PACRG: variants seen among roughly 807,000 people sequenced by gnomAD.
The protein encoded by PACRG is parkin coregulated gene protein.
PACRG carries 29 observed loss-of-function variants against 29.7 expected under a neutral mutation model. The observed-to-expected ratio is 0.98, with a 90% confidence interval of 0.73 to 1.33. The LOEUF is 1.33. PACRG is among the 40% of genes most tolerant of loss of function. The probability of loss-of-function intolerance (pLI) is 0.00; values close to 1 mark genes in which losing one functional copy is unlikely to be tolerated. For missense variants in PACRG, 279 were observed against 316.2 expected, an observed-to-expected ratio of 0.88 and a Z score of 0.89; for synonymous variants, 116 against 118.7, an observed-to-expected ratio of 0.98 and a Z score of 0.15.
At chr6:162,756,656 G>T (rs1781947387) in intron 1 of PACRG, among the ~76,000 whole-genome samples, 1 of 152,006 alleles carries the variant, frequency 6.6e-6, no homozygotes, top group Non-Finnish European at 1.5e-5. Flanking sequence ...GGTAATTATT[G>T]CAAGGTAAGG....
At chr6:163,303,699 G>A (rs1206724012) in intron 4 of PACRG, among the ~76,000 whole-genome samples, 2 of 151,958 alleles carry the variant, frequency 1.3e-5, no homozygotes, top group African/African-American at 4.8e-5. Context: ...TCTTCTTCTT[G>A]GAGCAAAAGC....
intron 2 of PACRG, among the ~76,000 whole-genome samples, chr6:163,039,287 A>T (rs1177895081): frequency 1.3e-5 from 2 of 152,184 alleles, no homozygotes; most frequent in Non-Finnish European, 2.9e-5. Flanking sequence ...GAGAACTGTG[A>T]GTCAATTAAA....
chr6:162,812,391 T>C (rs1156969954), intron 1 of PACRG, among the ~76,000 whole-genome samples: 3 of 152,094 alleles, frequency 2.0e-5, no homozygotes, highest in Non-Finnish European at 4.4e-5. Context: ...CACATGCACA[T>C]ACATATTTGC....
chr6:163,005,815 A>G (rs1252488512), intron 2 of PACRG, among the ~76,000 whole-genome samples: 1 of 148,910 alleles, frequency 6.7e-6, no homozygotes, highest in Non-Finnish European at 1.5e-5. Flanking sequence ...CAACATAGTT[A>G]TACGTGTTAT....
intron 1 of PACRG, among the ~76,000 whole-genome samples, chr6:162,798,008 T>C (rs1420680620): frequency 6.6e-6 from 1 of 152,202 alleles, no homozygotes; most frequent in Admixed American, 6.5e-5. Context: ...TTTAACTCTG[T>C]ATGGTATTTT....
rs113920393 is a variant in PACRG at position 163,141,503 on chromosome 6, G to T, written c.613+52095G>T. ...AGACAACAATGGCAGGATGTCAGAG[G>T]AGTTTTCAGTCGTCAGCCAAAGCTT... is the stretch of plus-strand genomic sequence containing the variant. On this transcript the variant is annotated intron_variant, in intron 4 of 4. Coordinates refer to ENST00000366888, the MANE Select transcript of PACRG (RefSeq NM_001080379.2). Among the ~76,000 whole-genome samples the T allele has an allele frequency of 1.8e-3, 274 of 151,354 alleles. 1 individual carries two copies. The highest frequency in any genetic ancestry group is 6.1e-3 in the African/African-American group (251 of 41,224).
At chr6:162,956,738 C>T (rs1256057668) in intron 2 of PACRG, among the ~76,000 whole-genome samples, 2 of 152,150 alleles carry the variant, frequency 1.3e-5, no homozygotes, top group African/African-American at 4.8e-5. Context: ...TTCCAACCTC[C>T]TCTGTTTGGA....
At chr6:162,817,354 A>T (rs2042177445) in intron 2 of PACRG, among the ~76,000 whole-genome samples, 1 of 152,246 alleles carries the variant, frequency 6.6e-6, no homozygotes, top group South Asian at 2.1e-4. Context: ...TTAGAGACAG[A>T]CAGATGTCTT....
At chr6:163,201,054 C>G (rs905009693) in intron 4 of PACRG, among the ~76,000 whole-genome samples, 1 of 152,180 alleles carries the variant, frequency 6.6e-6, no homozygotes, top group Non-Finnish European at 1.5e-5. Context: ...TTCCTGTGCT[C>G]TGTTCACGTT....
At position 163,087,034 on chromosome 6, in the gene PACRG, T is replaced by G. The variant is rs79945496; in HGVS notation, c.464-2225T>G. ...TTTAGCAGGTGGTGAGATGATCAGA[T>G]AAGCTTGAGGGAGGGTAACCCCGCG... On this transcript the variant is annotated intron_variant, in intron 3 of 4. Transcript: ENST00000366888. 3.6e-3 allele frequency among the ~76,000 whole-genome samples: 542 copies of G among 152,156 alleles called. 12 individuals carry two copies. The East Asian group carries it at 0.066, about 18-fold the overall frequency.
intron 4 of PACRG, among the ~76,000 whole-genome samples, chr6:163,229,593 G>A (rs1326737987): frequency 3.9e-5 from 6 of 152,178 alleles, no homozygotes; most frequent in Non-Finnish European, 7.3e-5. Context: ...TGTGGCATTC[G>A]TAGTCAAGCA....
intron 4 of PACRG, among the ~76,000 whole-genome samples, chr6:163,132,163 T>G (rs1816767097): frequency 6.6e-6 from 1 of 152,230 alleles, no homozygotes; most frequent in African/African-American, 2.4e-5. Context: ...TTTATTTTAT[T>G]TAAGATGAAA....
chr6:162,962,662 A>G (rs980142851), intron 2 of PACRG, among the ~76,000 whole-genome samples: 4 of 152,348 alleles, frequency 2.6e-5, no homozygotes, highest in African/African-American at 7.2e-5. Flanking sequence ...CTCATCAGGA[A>G]CCACATCTGC....
At chr6:162,996,057 A>G (rs1416849556) in intron 2 of PACRG, among the ~76,000 whole-genome samples, 1 of 152,116 alleles carries the variant, frequency 6.6e-6, no homozygotes, top group Non-Finnish European at 1.5e-5. Flanking sequence ...CAGTATGGTG[A>G]TGGTAGTTAC....
intron 1 of PACRG, among the ~76,000 whole-genome samples, chr6:162,788,463 A>C (rs1606677): frequency 1.3e-5 from 2 of 152,066 alleles, no homozygotes; most frequent in Non-Finnish European, 2.9e-5. Flanking sequence ...ATGAATGAAG[A>C]TGTAAACATC....
At chr6:163,288,235 G>A (rs996398120) in intron 4 of PACRG, among the ~76,000 whole-genome samples, 2 of 152,188 alleles carry the variant, frequency 1.3e-5, no homozygotes, top group African/African-American at 4.8e-5. Flanking sequence ...GTTATCTTGA[G>A]CTTTCAGCCA....
chr6:162,914,015 G>A (rs1039693899), intron 2 of PACRG, among the ~76,000 whole-genome samples: 9 of 152,006 alleles, frequency 5.9e-5, no homozygotes, highest in Non-Finnish European at 1.2e-4. Flanking sequence ...TCAGTCAGTG[G>A]TTAGCTTTTC....
At chr6:163,001,794 T>A (rs1804615096) in intron 2 of PACRG, among the ~76,000 whole-genome samples, 1 of 152,198 alleles carries the variant, frequency 6.6e-6, no homozygotes, top group Admixed American at 6.5e-5. Context: ...CTGATAAGAT[T>A]TTGCTATAAT....
intron 4 of PACRG, among the ~76,000 whole-genome samples, chr6:163,303,157 C>T (rs1222799330): frequency 6.6e-6 from 1 of 151,994 alleles, no homozygotes; most frequent in Non-Finnish European, 1.5e-5. Flanking sequence ...ATGGCAAAAC[C>T]CCATCTCTAC....
Sources: gnomAD v4.1 joint callset for allele counts (sites outside exome capture counted in the v4.1 genomes callset) on GRCh38, gnomAD v4.1.1 for gene constraint, MANE v1.5 for transcripts, NCBI Gene and HGNC (gene_info 2026-07-23, HGNC 2026-07-21) for gene names.